The following ARSB variants were observed in gnomAD, a reference collection of about 807,000 sequenced individuals.
The protein encoded by ARSB is arylsulfatase B.
In ARSB, 41 loss-of-function variants were observed where a neutral mutation model predicts 50.9. The ratio of observed to expected loss-of-function variants is 0.81; its 90% CI spans 0.63 to 1.04. The LOEUF (loss-of-function observed/expected upper bound fraction) is 1.04, where lower values mean the gene tolerates loss of function less well. ARSB is among the 50% of genes least tolerant of loss of function. The probability of loss-of-function intolerance (pLI) is 0.00; values close to 1 mark genes in which losing one functional copy is unlikely to be tolerated. For missense variants in ARSB, 672 were observed against 693.3 expected (o/e 0.97, Z 0.35); for synonymous variants, 269 against 284.8 (o/e 0.94, Z 0.56).
intron 6 of ARSB, among the ~76,000 whole-genome samples, chr5:78,788,923 C>T (rs1749168865): frequency 6.6e-6 from 1 of 152,238 alleles, no homozygotes; most frequent in African/African-American, 2.4e-5. Flanking sequence ...TGAGCCACCA[C>T]ACCTGGCCTA....
upstream of ARSB, chr5:78,985,361 C>G (rs917302307): frequency 2.7e-5 from 29 of 1,078,882 alleles, no homozygotes; most frequent in African/African-American, 4.0e-4. Flanking sequence ...GACGGCACCC[C>G]CAGCGGGCCG....
chr5:78,894,329 T>A (rs6897347), intron 4 of ARSB, among the ~76,000 whole-genome samples: 20,725 of 152,252 alleles, frequency 0.14, 4,226 homozygotes, highest in African/African-American at 0.45. Context: ...ATCAACTATT[T>A]CAATTTGTCT....
intron 4 of ARSB, among the ~76,000 whole-genome samples, chr5:78,913,962 G>A: frequency 7.1e-6 from 1 of 140,014 alleles, no homozygotes; most frequent in Non-Finnish European, 1.6e-5. Flanking sequence ...TCAATACCAT[G>A]ATTTTTTTTT....
chr5:78,788,734 A>G (rs1420556541), intron 6 of ARSB, among the ~76,000 whole-genome samples: 1 of 152,158 alleles, frequency 6.6e-6, no homozygotes, highest in East Asian at 1.9e-4. Flanking sequence ...CTGAGTGGTT[A>G]GGACCACAGG....
intron 5 of ARSB, among the ~76,000 whole-genome samples, chr5:78,871,333 A>T (rs1386745765): frequency 6.6e-6 from 1 of 152,134 alleles, no homozygotes; most frequent in Non-Finnish European, 1.5e-5. Flanking sequence ...TTCATATGGA[A>T]CCAAAAAAGA....
chr5:78,908,966 G>A (rs1032991355), intron 4 of ARSB, among the ~76,000 whole-genome samples: 2 of 152,140 alleles, frequency 1.3e-5, no homozygotes, highest in Admixed American at 6.5e-5. Context: ...CCCTTGAAAG[G>A]ACTTGCAAAT....
chr5:78,863,483 C>T (rs1746551905), intron 5 of ARSB, among the ~76,000 whole-genome samples: 1 of 151,988 alleles, frequency 6.6e-6, no homozygotes. Flanking sequence ...TGAAAACCAT[C>T]ACTCTGAGCA....
At chr5:78,782,563 G>C (rs1299119090) in intron 6 of ARSB, among the ~76,000 whole-genome samples, 1 of 152,072 alleles carries the variant, frequency 6.6e-6, no homozygotes, top group Non-Finnish European at 1.5e-5. Flanking sequence ...CTGGTATCAT[G>C]GATTATATTA....
chr5:78,951,196 T>C (rs1050282475), intron 4 of ARSB, among the ~76,000 whole-genome samples: 2 of 152,128 alleles, frequency 1.3e-5, no homozygotes, highest in African/African-American at 2.4e-5. Flanking sequence ...CTGGGCAACA[T>C]AGCAAGACCC....
rs757037795 is a variant in ARSB at position 78,964,456 on chromosome 5, T to C, written c.650A>G (p.Lys217Arg). ...GTTAGTTATGAGGGCTATAGCCCTTTTGGTGAATATGTTTGTTGAATACAT... is the reference window on the plus strand; with the variant it reads ...GTTAGTTATGAGGGCTATAGCCCTTCTGGTGAATATGTTTGTTGAATACAT... ...KNMYSTNIFT[K>R]RAIALITNHP... Residue 217 changes from lysine (K) to arginine (R), a missense_variant, in exon 3 of 8, where the codon AAA (lysine) becomes AGA (arginine). Lys to Arg is a conservative substitution (Grantham distance 26, BLOSUM62 2). Transcript: ENST00000264914. 2.2e-5 allele frequency: 35 copies of C among 1,614,070 alleles called. No homozygotes were observed. Among genetic ancestry groups the C allele is most frequent in the Non-Finnish European group, 3.0e-5 (35 of 1,179,920 alleles).
intron 5 of ARSB, among the ~76,000 whole-genome samples, chr5:78,868,790 A>G (rs1005663375): frequency 1.4e-5 from 2 of 143,490 alleles, no homozygotes; most frequent in Non-Finnish European, 3.0e-5. Flanking sequence ...TCATAATGAC[A>G]GGATCAAATT....
At chr5:78,793,745 T>C (rs1743074345) in intron 6 of ARSB, among the ~76,000 whole-genome samples, 2 of 152,084 alleles carry the variant, frequency 1.3e-5, no homozygotes, top group African/African-American at 2.4e-5. Flanking sequence ...TCAATTTTGA[T>C]GGGTGTTGTG....
Position 78,885,807 on chromosome 5 carries a change from C to T in ARSB, c.919G>A (p.Ala307Thr). 6.2e-7 allele frequency: 1 copy of T among 1,614,172 alleles called. No individual in the cohort carries two copies. Among genetic ancestry groups the T allele is most frequent in the Non-Finnish European group, 8.5e-7 (1 of 1,180,034 alleles). The change falls in exon 5 of 8, where the codon GCA becomes ACA. Residue 307 changes from alanine to threonine, a missense_variant. Ala to Thr is a moderately conservative substitution (Grantham distance 58). Transcript: ENST00000264914. ...CGAAGGGGCCAGTTATTACCCCCTG[C>T]CAAAGTCTGCCCTCCGTTATCTGAA... ...FSTDNGGQTL[A>T]GGNNWPLRGR...
chr5:78,952,486 G>C (rs1467751487), intron 4 of ARSB, among the ~76,000 whole-genome samples: 1 of 152,038 alleles, frequency 6.6e-6, no homozygotes, highest in Non-Finnish European at 1.5e-5. Context: ...ACAGGCACAT[G>C]CCACCACACC....
At chr5:78,803,875 C>A (rs1743477637) in intron 6 of ARSB, among the ~76,000 whole-genome samples, 1 of 152,228 alleles carries the variant, frequency 6.6e-6, no homozygotes. Context: ...TTATTGAACA[C>A]CTACTTTGTA....
chr5:78,936,699 A>C (rs935150924), intron 4 of ARSB, among the ~76,000 whole-genome samples: 6 of 152,146 alleles, frequency 3.9e-5, no homozygotes, highest in African/African-American at 9.7e-5. Flanking sequence ...AGAGTCTTGA[A>C]GTTTGATAAG....
intron 3 of ARSB, among the ~76,000 whole-genome samples, chr5:78,956,945 A>G (rs539496183): frequency 1.3e-5 from 2 of 152,252 alleles, no homozygotes; most frequent in South Asian, 2.1e-4. Context: ...ATTTTATGAG[A>G]AAAAAAGTGA....
At chr5:78,917,704 G>A (rs1234451557) in intron 4 of ARSB, among the ~76,000 whole-genome samples, 1 of 152,122 alleles carries the variant, frequency 6.6e-6, no homozygotes, top group African/African-American at 2.4e-5. Context: ...GTAAAGACGA[G>A]GTTTTGCCAT....
chr5:78,878,137 G>A (rs535855495), intron 5 of ARSB, among the ~76,000 whole-genome samples: 16 of 152,290 alleles, frequency 1.1e-4, no homozygotes, highest in African/African-American at 3.4e-4. Context: ...ACAACTTTAA[G>A]TGTCCAAGTG....
Sources: allele counts gnomAD v4.1 joint callset (sites outside exome capture counted in the v4.1 genomes callset), GRCh38; gene constraint gnomAD v4.1.1; transcripts MANE v1.5; gene names NCBI Gene and HGNC (gene_info 2026-07-23, HGNC 2026-07-21).